MACROD2: variants seen among roughly 807,000 people sequenced by gnomAD.
MACROD2 encodes the protein mono-ADP ribosylhydrolase 2.
A neutral mutation model predicts 70.4 loss-of-function variants in MACROD2; 36 were observed. The observed-to-expected ratio is 0.51, with a 90% confidence interval of 0.39 to 0.68. MACROD2 has a LOEUF of 0.68. MACROD2 is among the 30% of genes least tolerant of loss of function. The pLI, the probability that MACROD2 is intolerant of heterozygous loss-of-function variation, is 0.00. For missense variants in MACROD2, 496 were observed against 538.4 expected, an observed-to-expected ratio of 0.92 and a Z score of 0.78; for synonymous variants, 172 against 178.8, an observed-to-expected ratio of 0.96 and a Z score of 0.30.
intron 3 of MACROD2, among the ~76,000 whole-genome samples, chr20:14,300,237 T>G (rs1426860788): frequency 6.6e-6 from 1 of 151,806 alleles, no homozygotes. Context: ...AGAGATTTTA[T>G]TATGTATCAC....
chr20:15,850,697 T>G (rs2064287652), intron 8 of MACROD2, among the ~76,000 whole-genome samples: 1 of 152,226 alleles, frequency 6.6e-6, no homozygotes, highest in Non-Finnish European at 1.5e-5. Context: ...TCACAGCTGA[T>G]GGCAGTCACT....
chr20:14,718,859 G>T (rs2071428973), intron 5 of MACROD2, among the ~76,000 whole-genome samples: 1 of 152,138 alleles, frequency 6.6e-6, no homozygotes, highest in South Asian at 2.1e-4. Context: ...TTGTTCCTGT[G>T]TTTATTTTCT....
chr20:15,507,153 T>C (rs955137836), intron 8 of MACROD2, among the ~76,000 whole-genome samples: 1 of 152,228 alleles, frequency 6.6e-6, no homozygotes, highest in Non-Finnish European at 1.5e-5. Flanking sequence ...AGATACGCTG[T>C]GTCGCTTTTG....
intron 3 of MACROD2, among the ~76,000 whole-genome samples, chr20:14,338,872 C>T (rs887141133): frequency 2.6e-5 from 4 of 152,098 alleles, no homozygotes; most frequent in Non-Finnish European, 1.5e-5. Context: ...GCTTTGTGCC[C>T]GTAAGTTTTC....
chr20:14,029,862 T>C (rs1204747859), intron 2 of MACROD2, among the ~76,000 whole-genome samples: 1 of 152,230 alleles, frequency 6.6e-6, no homozygotes, highest in East Asian at 1.9e-4. Flanking sequence ...CTGTTATTGA[T>C]TGGAACACCA....
rs994971694 is a variant in MACROD2, at chr20:14,337,586, G to A, written c.272-155893G>A. On this transcript the variant is annotated intron_variant, in intron 3 of 17. Coordinates refer to ENST00000684519, the MANE Select transcript of MACROD2 (RefSeq NM_001351661.2). ...ATCACTCCTACACTGAGGAGTGAGC[G>A]AGGGAGAGCATTCCAGTTTACTGCA... The A allele has an allele frequency of 1.0e-5, 4 of 398,460 alleles. 1 individual carries two copies. The highest frequency in any genetic ancestry group is 7.1e-5 in the East Asian group (2 of 28,084). 24.7% of individuals were successfully genotyped at this position (398,460 alleles called of 1,614,324 possible). A position where few individuals can be genotyped will look rare whatever the true frequency, so the allele number is the denominator to read the frequency against.
At chr20:15,417,934 T>C (rs1284282471) in intron 6 of MACROD2, among the ~76,000 whole-genome samples, 1 of 152,182 alleles carries the variant, frequency 6.6e-6, no homozygotes, top group Non-Finnish European at 1.5e-5. Flanking sequence ...TGAAAAAGAA[T>C]TCTCATCTCT....
chr20:15,376,986 G>GATCACATCA (rs2045571406), intron 6 of MACROD2, among the ~76,000 whole-genome samples: 1 of 152,140 alleles, frequency 6.6e-6, no homozygotes, highest in Non-Finnish European at 1.5e-5. Flanking sequence ...CGCCTCCTGG[G>GATCACATCA]TTCACATCAT....
intron 15 of MACROD2, among the ~76,000 whole-genome samples, chr20:16,011,389 C>T (rs1351815328): frequency 1.3e-5 from 2 of 152,188 alleles, no homozygotes; most frequent in African/African-American, 4.8e-5. Flanking sequence ...GAGGTAGATG[C>T]AAAGTCCCAG....
chr20:15,181,197 T>A (rs888500230), intron 5 of MACROD2, among the ~76,000 whole-genome samples: 1 of 152,138 alleles, frequency 6.6e-6, no homozygotes. Context: ...TCGATTCACG[T>A]TTGGCGGTGG....
At chr20:15,625,655 G>A (rs1400195201) in intron 8 of MACROD2, among the ~76,000 whole-genome samples, 1 of 152,108 alleles carries the variant, frequency 6.6e-6, no homozygotes, top group Non-Finnish European at 1.5e-5. Context: ...ACAAGAACTA[G>A]TAAGTCTAAC....
chr20:15,638,944 A>G (rs2049412008), intron 8 of MACROD2, among the ~76,000 whole-genome samples: 1 of 152,226 alleles, frequency 6.6e-6, no homozygotes, highest in South Asian at 2.1e-4. Context: ...TTGGCTTATG[A>G]TCTCAGCAGT....
intron 6 of MACROD2, among the ~76,000 whole-genome samples, chr20:15,364,409 CT>C (rs2045375608): frequency 6.6e-6 from 1 of 152,178 alleles, no homozygotes; most frequent in African/African-American, 2.4e-5. Flanking sequence ...TGTGCTTTGG[CT>C]TTTTGTATAG....
At chr20:14,975,937 G>A (rs894642775) in intron 5 of MACROD2, among the ~76,000 whole-genome samples, 2 of 152,162 alleles carry the variant, frequency 1.3e-5, no homozygotes, top group Non-Finnish European at 2.9e-5. Context: ...GTGGATTACA[G>A]TTCCCGGCTT....
chr20:14,094,951 C>T (rs1014286521), intron 3 of MACROD2, among the ~76,000 whole-genome samples: 2 of 152,110 alleles, frequency 1.3e-5, no homozygotes, highest in Non-Finnish European at 2.9e-5. Flanking sequence ...CCCCCTTTTC[C>T]TCCTGGGCTT....
At chr20:14,561,578 G>A (rs1979436421) in intron 4 of MACROD2, among the ~76,000 whole-genome samples, 1 of 151,600 alleles carries the variant, frequency 6.6e-6, no homozygotes, top group African/African-American at 2.4e-5. Flanking sequence ...GTTCATTTGG[G>A]GGGTAAACTT....
chr20:15,560,310 C>G (rs2048224687), intron 8 of MACROD2, among the ~76,000 whole-genome samples: 1 of 152,124 alleles, frequency 6.6e-6, no homozygotes, highest in Non-Finnish European at 1.5e-5. Context: ...TCAGGTCACT[C>G]ATTTGTAAAA....
chr20:15,796,093 G>C (rs547789688), intron 8 of MACROD2, among the ~76,000 whole-genome samples: 1 of 152,290 alleles, frequency 6.6e-6, no homozygotes, highest in South Asian at 2.1e-4. Flanking sequence ...TCTGGAGACT[G>C]AAAGGGAAGC....
chr20:14,488,209 A>G (rs993473836), intron 3 of MACROD2, among the ~76,000 whole-genome samples: 1 of 152,232 alleles, frequency 6.6e-6, no homozygotes. Flanking sequence ...AGTGTCTTGT[A>G]TAATTATAAC....
Sources: allele counts gnomAD v4.1 joint callset (sites outside exome capture counted in the v4.1 genomes callset), GRCh38; gene constraint gnomAD v4.1.1; transcripts MANE v1.5; gene names NCBI Gene and HGNC (gene_info 2026-07-23, HGNC 2026-07-21).